FMNL2: variants seen among roughly 807,000 people sequenced by gnomAD.
The protein encoded by FMNL2 is formin-like protein 2.
FMNL2 carries 51 observed loss-of-function variants against 130.2 expected under a neutral mutation model. That is an observed-to-expected ratio of 0.39 (90% CI 0.31 to 0.49). FMNL2 has a LOEUF of 0.49. Ranked by LOEUF, FMNL2 falls within the 20% of genes least tolerant of loss-of-function variation. FMNL2 has a pLI of 0.85. For missense variants in FMNL2, 977 were observed against 1,316.2 expected (o/e 0.74, Z 3.99); for synonymous variants, 465 against 467.1 (o/e 1.00, Z 0.06).
At chr2:152,537,760 A>G (rs755935326) in intron 2 of FMNL2, among the ~76,000 whole-genome samples, 8 of 152,336 alleles carry the variant, frequency 5.3e-5, no homozygotes, top group Middle Eastern at 3.4e-3. Flanking sequence ...CCTTTAAAAA[A>G]TGTTTATACT....
At position 152,647,936 on chromosome 2, in the gene FMNL2, G is replaced by T. The variant is rs1475499519; in HGVS notation, c.*31G>T. On this transcript the variant is annotated 3_prime_UTR_variant, in exon 26 of 26. Transcript: ENST00000288670. ...AGACTGGCCTGCATGAATACAGGGT[G>T]TGCGTGAATGAAACTGCCCACATGA... 2.6e-6 allele frequency: 4 copies of T among 1,538,866 alleles called. No homozygotes were observed. The highest frequency in any genetic ancestry group is 2.7e-6 in the Non-Finnish European group (3 of 1,127,278).
At chr2:152,357,730 G>A (rs1335833165) in intron 1 of FMNL2, among the ~76,000 whole-genome samples, 1 of 151,920 alleles carries the variant, frequency 6.6e-6, no homozygotes, top group Non-Finnish European at 1.5e-5. Context: ...AACATACATA[G>A]CACAGTTTTA....
rs985229862 is a variant in FMNL2 at position 152,384,741 on chromosome 2, C to T, written c.117+49021C>T. On this transcript the variant is annotated intron_variant, in intron 1 of 25. Transcript: ENST00000288670. ...GTATCTGAATTTTGGAATGCAAGGG[C>T]TTCTGGTGGGGGCCATTATATTTTC... Among the ~76,000 whole-genome samples the T allele has an allele frequency of 2.0e-5, 3 of 152,172 alleles. No individual in the cohort carries two copies. In the South Asian group the frequency reaches 6.2e-4, roughly 32 times the overall value.
chr2:152,589,985 GTA>G (rs371586471), intron 9 of FMNL2, among the ~76,000 whole-genome samples: 16,761 of 45,498 alleles, frequency 0.37, 1,993 homozygotes, highest in African/African-American at 0.46. Context: ...ATATATATAT[GTA>G]TATGTATATG....
At chr2:152,555,491 C>T (rs1302592867) in intron 4 of FMNL2, among the ~76,000 whole-genome samples, 2 of 152,198 alleles carry the variant, frequency 1.3e-5, no homozygotes, top group African/African-American at 4.8e-5. Context: ...CCAGGAACAT[C>T]TCTTAAGACC....
intron 1 of FMNL2, among the ~76,000 whole-genome samples, chr2:152,358,173 A>C (rs1241014009): frequency 6.6e-6 from 1 of 152,116 alleles, no homozygotes; most frequent in Non-Finnish European, 1.5e-5. Flanking sequence ...CAAGTTCTTC[A>C]GCTTTTGGAC....
intron 1 of FMNL2, chr2:152,390,639 G>A (rs564035109): frequency 3.2e-5 from 29 of 906,104 alleles, no homozygotes; most frequent in Admixed American, 2.4e-4. Context: ...CAACTAGCCC[G>A]TGCTTTTTCC....
Position 152,614,774 on chromosome 2 carries a change from AAGACAGACTCTT to A in FMNL2, c.1063-74_1063-63del, listed in dbSNP as rs1698864190. 6.9e-6 allele frequency: 10 copies of A among 1,439,206 alleles called. No homozygotes were observed. In the East Asian group the frequency reaches 2.4e-4, roughly 35 times the overall value. 89.2% of individuals were successfully genotyped at this position (1,439,206 alleles called of 1,614,324 possible). ...AAACAAAACAAAACAAAAAACAAAA[AAGACAGACTCTT>A]AGGAAATGATGTTCTATTTCCATAG... On this transcript the variant is annotated intron_variant, in intron 11 of 25. Transcript: ENST00000288670.
Position 152,539,036 on chromosome 2 carries a change from AC to A in FMNL2, c.202-3700del, listed in dbSNP as rs557186627. ...CTGCTTTGGTTGGCAGTCTTCCATTACCCACACTTTTAAAACTGCTTCATAT... is the reference window on the plus strand; with the variant it reads ...CTGCTTTGGTTGGCAGTCTTCCATTACCACACTTTTAAAACTGCTTCATAT... On this transcript the variant is annotated intron_variant, in intron 2 of 25. Transcript: ENST00000288670. 2.8e-3 allele frequency among the ~76,000 whole-genome samples: 421 copies of A among 152,262 alleles called. 1 individual carries two copies. Among genetic ancestry groups the A allele is most frequent in the South Asian group, 5.6e-3 (27 of 4,820 alleles).
intron 1 of FMNL2, chr2:152,390,471 G>C: frequency 1.3e-6 from 2 of 1,482,638 alleles, no homozygotes; most frequent in Non-Finnish European, 1.9e-6. Flanking sequence ...CAAGCTGTCA[G>C]ACCTGGACAA....
At chr2:152,500,517 C>T (rs1031643817) in intron 1 of FMNL2, among the ~76,000 whole-genome samples, 1 of 152,204 alleles carries the variant, frequency 6.6e-6, no homozygotes, top group African/African-American at 2.4e-5. Flanking sequence ...AATAGATCCC[C>T]TACCCTCTAC....
At chr2:152,336,119 A>AAACAG (rs1560275365) in intron 1 of FMNL2, among the ~76,000 whole-genome samples, 1 of 128,314 alleles carries the variant, frequency 7.8e-6, no homozygotes, top group African/African-American at 3.1e-5. Context: ...AAACAAAACA[A>AAACAG]AACACCCTGA....
In FMNL2 at chr2:152,417,831, T is replaced by C. The variant is rs192763860; in HGVS notation, c.117+82111T>C. On this transcript the variant is annotated intron_variant, in intron 1 of 25. Transcript: ENST00000288670. ...TGTGTGAGTAAATGCATTATTTTTA[T>C]TATTATTATTTTTTCTTTTGAGACA... 1.6e-3 allele frequency among the ~76,000 whole-genome samples: 246 copies of C among 152,196 alleles called. 1 individual carries two copies. The highest frequency in any genetic ancestry group is 5.7e-3 in the African/African-American group (236 of 41,536).
intron 1 of FMNL2, among the ~76,000 whole-genome samples, chr2:152,429,362 C>T (rs1051477402): frequency 6.6e-6 from 1 of 152,158 alleles, no homozygotes; most frequent in African/African-American, 2.4e-5. Context: ...TTTTCTAGAG[C>T]CTAGTGAAGG....
intron 1 of FMNL2, among the ~76,000 whole-genome samples, chr2:152,521,005 G>T (rs971543051): frequency 6.6e-6 from 1 of 152,058 alleles, no homozygotes; most frequent in African/African-American, 2.4e-5. Flanking sequence ...TGATGCCAGG[G>T]GATAGACAGG....
intron 4 of FMNL2, among the ~76,000 whole-genome samples, chr2:152,549,695 G>A (rs188428538): frequency 2.6e-5 from 4 of 152,244 alleles, no homozygotes; most frequent in Non-Finnish European, 4.4e-5. Flanking sequence ...CAATGACATG[G>A]TGCTTTGCCT....
rs2105967854 is a variant in FMNL2 at position 152,640,857 on chromosome 2, A to G, written c.3112A>G (p.Lys1038Glu). 1.9e-6 allele frequency: 3 copies of G among 1,613,918 alleles called. No homozygotes were observed. The highest frequency in any genetic ancestry group is 2.5e-6 in the Non-Finnish European group (3 of 1,179,812). Residue 1038 changes from lysine to glutamate, a missense_variant, in exon 25 of 26, where the codon AAA (lysine) becomes GAA (glutamate). By Grantham distance (56) the Lys-to-Glu change is moderately conservative. This residue lies in a region of FMNL2 where 168 missense variants were observed against 168.8 expected (regional missense o/e 1.00). Transcript: ENST00000288670. ...TGCAGAATTAAGAAGACGACAAGTTAAAGATAACAGACATGTATATGAGGG... is the reference window on the plus strand; with the variant it reads ...TGCAGAATTAAGAAGACGACAAGTTGAAGATAACAGACATGTATATGAGGG... ...LIAELRRRQVKDNRHVYEGKD... is the reference protein window; with the variant it reads ...LIAELRRRQVEDNRHVYEGKD...
At chr2:152,572,955 G>A (rs565318271) in intron 6 of FMNL2, among the ~76,000 whole-genome samples, 18 of 152,224 alleles carry the variant, frequency 1.2e-4, no homozygotes, top group African/African-American at 1.7e-4. Context: ...ATCTAGTCTT[G>A]TATGTTTAAG....
At chr2:152,456,118 AG>A (rs1688943267) in intron 1 of FMNL2, among the ~76,000 whole-genome samples, 1 of 152,248 alleles carries the variant, frequency 6.6e-6, no homozygotes, top group Admixed American at 6.5e-5. Flanking sequence ...AAATGCTAGA[AG>A]GGAAGGTTTG....
Sources: allele counts gnomAD v4.1 joint callset (sites outside exome capture counted in the v4.1 genomes callset), GRCh38; gene constraint gnomAD v4.1.1; regional missense constraint gnomAD v4.1.1; transcripts MANE v1.5; gene names NCBI Gene and HGNC (gene_info 2026-07-23, HGNC 2026-07-21).